Variants in CCDC102B observed in about 807,000 individuals in gnomAD.
The protein encoded by CCDC102B is coiled-coil domain containing 102B.
A neutral mutation model predicts 57.4 loss-of-function variants in CCDC102B; 75 were observed. The ratio of observed to expected loss-of-function variants is 1.31; its 90% CI spans 1.08 to 1.58. The LOEUF (loss-of-function observed/expected upper bound fraction) is 1.58. Ranked by LOEUF, CCDC102B falls within the 40% of genes most tolerant of loss-of-function variation. CCDC102B has a pLI of 0.00. For synonymous variants in CCDC102B, 206 were observed against 201.9 expected (o/e 1.02, Z -0.17); for missense variants, 636 against 582.6 (o/e 1.09, Z -0.94).
chr18:69,014,720 G>A (rs2051614739), intron 7 of CCDC102B, among the ~76,000 whole-genome samples: 1 of 151,902 alleles, frequency 6.6e-6, no homozygotes, highest in Admixed American at 6.6e-5. Context: ...GTGTGTGTGT[G>A]TGTATTCTAA....
chr18:69,013,116 A>T (rs1227215451), intron 7 of CCDC102B, among the ~76,000 whole-genome samples: 1 of 152,176 alleles, frequency 6.6e-6, no homozygotes, highest in African/African-American at 2.4e-5. Context: ...TATAGAATCA[A>T]CCTCAATGGA....
chr18:69,011,072 C>CTAAT lies in CCDC102B; in HGVS notation c.1405_1406insTTAA (p.Lys469IlefsTer11). Reference sequence around the variant, plus strand: ...GAAACTAAGATTACGAGTGGAAGAACTAAAGCAGGGACTCAATCAAAAAGA... The same window carrying CTAAT: ...GAAACTAAGATTACGAGTGGAAGAACTAATTAAAGCAGGGACTCAATCAAAAAGA... On this transcript the variant is annotated frameshift_variant, in exon 7 of 8. Transcript: ENST00000360242. LOFTEE classifies it low-confidence loss of function (END_TRUNC). The CTAAT allele has an allele frequency of 3.1e-6, 5 of 1,613,608 alleles. No individual in the cohort carries two copies. Among genetic ancestry groups the CTAAT allele is most frequent in the Non-Finnish European group, 4.2e-6 (5 of 1,179,768 alleles).
rs187375159 is a variant in CCDC102B, at chr18:68,830,255, A to G, written c.-15-6494A>G. On this transcript the variant is annotated intron_variant, in intron 1 of 7. Coordinates refer to ENST00000360242, the MANE Select transcript of CCDC102B (RefSeq NM_024781.3). ...TTAGAAAGTGGTAGAACCTTTAACA[A>G]TATCAGGCTTGTGCAGTGTTATTTC... Among the ~76,000 whole-genome samples, 234 of 152,114 alleles carry G rather than the reference A, an allele frequency of 1.5e-3. 1 individual carries two copies. The highest frequency in any genetic ancestry group is 6.8e-3 in the Middle Eastern group (2 of 294).
At chr18:68,740,227 A>G (rs2033323515) in intron 2 of CCDC102B, among the ~76,000 whole-genome samples, 1 of 152,178 alleles carries the variant, frequency 6.6e-6, no homozygotes, top group East Asian at 1.9e-4. Context: ...TTAGGGGATA[A>G]TCAACCCCAG....
chr18:69,044,694 G>A lies in CCDC102B; in HGVS notation c.1435-9336G>A, dbSNP rs562506370. Among the ~76,000 whole-genome samples, 6 of 152,228 alleles carry A rather than the reference G, an allele frequency of 3.9e-5. No individual in the cohort carries two copies. The South Asian group carries it at 1.0e-3, about 26-fold the overall frequency. On this transcript the variant is annotated intron_variant, in intron 7 of 7. Coordinates refer to ENST00000360242, the MANE Select transcript of CCDC102B (RefSeq NM_024781.3). ...TTAAAATGAGGAAACTGAAGCTCAC[G>A]TGACTTCATGACTGTTTACACATGC... is the stretch of plus-strand genomic sequence containing the variant.
rs145415970 is a variant in CCDC102B, at chr18:68,945,553, A to T, written c.1263+48125A>T. On this transcript the variant is annotated intron_variant, in intron 6 of 7. Transcript: ENST00000360242. ...TGGCTAGACTTTGTTGGTTGGCAGG[A>T]CATCTTATAATGTGCTTATTTCCAG... Among the ~76,000 whole-genome samples, 134 of 152,226 alleles carry T rather than the reference A, an allele frequency of 8.8e-4. 1 individual carries two copies. In the East Asian group the frequency reaches 0.023, roughly 26 times the overall value.
Position 68,804,921 on chromosome 18 carries a change from A to G in CCDC102B, c.-16+6740A>G, listed in dbSNP as rs530740174. On this transcript the variant is annotated intron_variant, in intron 1 of 7. Coordinates refer to ENST00000360242, the MANE Select transcript of CCDC102B (RefSeq NM_024781.3). ...AGCATGTGCATTTGCTAATGGGAAT[A>G]ATCTAATCTAGAGAGAGGTACAAAC... Among the ~76,000 whole-genome samples the G allele has an allele frequency of 2.1e-4, 32 of 151,346 alleles. No homozygotes were observed. In the South Asian group the frequency reaches 5.9e-3, roughly 28 times the overall value.
chr18:68,765,319 AGG>A (rs1599428253), intron 2 of CCDC102B, among the ~76,000 whole-genome samples: 2,287 of 47,548 alleles, frequency 0.048, 24 homozygotes, highest in East Asian at 0.099. Context: ...GAAGGAAGGA[AGG>A]AAGGAAAGAA....
intron 6 of CCDC102B, 56 bp downstream of exon 6, chr18:68,897,484 G>T (rs1011602105): frequency 2.1e-5 from 33 of 1,560,158 alleles, no homozygotes; most frequent in Admixed American, 1.7e-4. Flanking sequence ...TGATGCCTAC[G>T]CAGAGTCTGT....
chr18:68,834,767 T>C (rs1016127024), intron 1 of CCDC102B, among the ~76,000 whole-genome samples: 1 of 151,920 alleles, frequency 6.6e-6, no homozygotes, highest in Non-Finnish European at 1.5e-5. Context: ...TAAGGTCTAT[T>C]AATAAGATAG....
intron 6 of CCDC102B, among the ~76,000 whole-genome samples, chr18:68,979,717 T>A (rs1040953692): frequency 2.6e-5 from 4 of 151,968 alleles, no homozygotes; most frequent in African/African-American, 9.7e-5. Context: ...TTCCATGGAG[T>A]CATAATTATA....
chr18:68,816,520 C>CAAA (rs2036485794), intron 1 of CCDC102B, among the ~76,000 whole-genome samples: 1 of 124,268 alleles, frequency 8.0e-6, no homozygotes, highest in African/African-American at 3.2e-5. Flanking sequence ...GGCTGGAGTG[C>CAAA]AAAGGCACGA....
intron 6 of CCDC102B, among the ~76,000 whole-genome samples, chr18:68,921,472 A>G (rs919482831): frequency 5.3e-5 from 8 of 152,204 alleles, no homozygotes; most frequent in African/African-American, 1.9e-4. Flanking sequence ...AGAGTTTTGC[A>G]GGTGGAAAGA....
At chr18:69,025,903 CAG>C (rs2051975627) in intron 7 of CCDC102B, among the ~76,000 whole-genome samples, 1 of 152,074 alleles carries the variant, frequency 6.6e-6, no homozygotes, top group South Asian at 2.1e-4. Context: ...GGAGGTAAAT[CAG>C]AGCCAGTAAG....
intron 5 of CCDC102B, among the ~76,000 whole-genome samples, chr18:68,879,512 A>C (rs1438222059): frequency 6.6e-6 from 1 of 151,938 alleles, no homozygotes; most frequent in African/African-American, 2.4e-5. Context: ...CCTGAGCTAG[A>C]CAGAAAGGTT....
In CCDC102B at chr18:68,725,730, A is replaced by G. The variant is rs556301061; in HGVS notation, c.-67+9136A>G. On this transcript the variant is annotated intron_variant, in intron 2 of 3. Coordinates refer to the CCDC102B transcript ENST00000578970. The stretch of plus-strand genomic sequence containing the variant: ...CCCTGAATAATCCAAGATTCTCTCC[A>G]TATCTTAAAGTCACCTGGTTAATTT... Among the ~76,000 whole-genome samples the G allele has an allele frequency of 5.4e-4, 83 of 152,336 alleles. No individual in the cohort carries two copies. In the Middle Eastern group the frequency reaches 0.01, roughly 19 times the overall value.
In CCDC102B at chr18:68,885,422, A is replaced by G. The variant is rs191920227; in HGVS notation, c.1053+10637A>G. 1.7e-3 allele frequency among the ~76,000 whole-genome samples: 257 copies of G among 152,128 alleles called. 1 individual carries two copies. The highest frequency in any genetic ancestry group is 5.9e-3 in the African/African-American group (245 of 41,568). On this transcript the variant is annotated intron_variant, in intron 5 of 7. Transcript: ENST00000360242. ...ATCCAATAAGTAGCATAATAATACC[A>G]AAAAGACAGAGCAAAGTTCATTTCA...
chr18:68,922,366 G>C (rs1363333562), intron 6 of CCDC102B, among the ~76,000 whole-genome samples: 1 of 152,170 alleles, frequency 6.6e-6, no homozygotes, highest in East Asian at 1.9e-4. Flanking sequence ...TTTGGAAATT[G>C]TTGAACTTGT....
chr18:69,039,064 G>C (rs1309880033), intron 7 of CCDC102B, among the ~76,000 whole-genome samples: 1 of 151,832 alleles, frequency 6.6e-6, no homozygotes, highest in Non-Finnish European at 1.5e-5. Flanking sequence ...GCAACAGGGG[G>C]GTTCCTGTGC....
Sources: allele counts gnomAD v4.1 joint callset (sites outside exome capture counted in the v4.1 genomes callset), GRCh38; gene constraint gnomAD v4.1.1; transcripts MANE v1.5; gene names NCBI Gene and HGNC (gene_info 2026-07-23, HGNC 2026-07-21).